Variants in CNTNAP2 observed in about 807,000 individuals in gnomAD.
CNTNAP2 encodes the protein contactin-associated protein-like 2.
In CNTNAP2, 98 loss-of-function variants were observed where a neutral mutation model predicts 155.2. That is an observed-to-expected ratio of 0.63 (90% CI 0.54 to 0.75). The LOEUF (loss-of-function observed/expected upper bound fraction) is 0.75. Ranked by LOEUF, CNTNAP2 falls within the 30% of genes least tolerant of loss-of-function variation. The probability of loss-of-function intolerance (pLI) is 0.00; values close to 1 mark genes in which losing one functional copy is unlikely to be tolerated. For synonymous variants in CNTNAP2, 651 were observed against 631.2 expected (o/e 1.03, Z -0.47); for missense variants, 1,727 against 1,688.1 (o/e 1.02, Z -0.40).
intron 8 of CNTNAP2, among the ~76,000 whole-genome samples, chr7:147,264,933 A>G (rs1048385039): frequency 1.4e-4 from 21 of 152,196 alleles, no homozygotes; most frequent in African/African-American, 5.1e-4. Context: ...CAAATCCTAC[A>G]TGAGGAGGAA....
At position 147,985,450 on chromosome 7, in the gene CNTNAP2, G is replaced by A. The variant is rs1432465377; in HGVS notation, c.2383+7461G>A. On this transcript the variant is annotated intron_variant, in intron 15 of 23. Transcript: ENST00000361727. ...TTGCGAATCTTCAGAGGGCAAAGGG[G>A]AAGATTCCATTGGCTCTTACACTGG... Among the ~76,000 whole-genome samples, 5 of 148,992 alleles carry A rather than the reference G, an allele frequency of 3.4e-5. 1 individual carries two copies. In the South Asian group the frequency reaches 8.5e-4, roughly 25 times the overall value.
At chr7:146,581,452 G>A (rs1283619705) in intron 1 of CNTNAP2, among the ~76,000 whole-genome samples, 1 of 151,986 alleles carries the variant, frequency 6.6e-6, no homozygotes, top group African/African-American at 2.4e-5. Flanking sequence ...ATACAAATTA[G>A]GTTTAGAATT....
intron 10 of CNTNAP2, among the ~76,000 whole-genome samples, chr7:147,405,025 A>G (rs574802173): frequency 6.6e-6 from 1 of 152,344 alleles, no homozygotes; most frequent in African/African-American, 2.4e-5. Flanking sequence ...TCTTTGATGC[A>G]TTGCATGTAT....
intron 1 of CNTNAP2, among the ~76,000 whole-genome samples, chr7:146,457,053 C>T (rs1796564995): frequency 6.6e-6 from 1 of 151,810 alleles, no homozygotes; most frequent in African/African-American, 2.4e-5. Flanking sequence ...ATTCTACTGG[C>T]CTCATTCAGA....
At position 146,356,297 on chromosome 7, in the gene CNTNAP2, C is replaced by T. The variant is rs1196044302; in HGVS notation, c.97+239324C>T. On this transcript the variant is annotated intron_variant, in intron 1 of 23. Transcript: ENST00000361727. ...TAGAATGCAAAGTCTTGAACTCTAA[C>T]CTTTAAGATGCTGGTTTTTTACCTT... Among the ~76,000 whole-genome samples the T allele has an allele frequency of 2.0e-5, 3 of 152,170 alleles. No individual in the cohort carries two copies. In the South Asian group the frequency reaches 6.2e-4, roughly 31 times the overall value.
intron 12 of CNTNAP2, among the ~76,000 whole-genome samples, chr7:147,619,745 C>T (rs57004198): frequency 3.3e-5 from 5 of 152,092 alleles, no homozygotes; most frequent in Admixed American, 2.0e-4. Flanking sequence ...CCTGGGACCT[C>T]GGGTGACTCG....
intron 1 of CNTNAP2, among the ~76,000 whole-genome samples, chr7:146,696,303 C>T (rs1072973): frequency 0.81 from 123,452 of 152,156 alleles, 50,969 homozygotes; most frequent in South Asian, 0.93. Context: ...GTTATCAAAT[C>T]TGTAAGCATG....
chr7:147,960,273 C>T (rs903107815), intron 14 of CNTNAP2, among the ~76,000 whole-genome samples: 9 of 152,064 alleles, frequency 5.9e-5, no homozygotes, highest in South Asian at 2.1e-4. Context: ...GGTGCAAAGC[C>T]GGAGTCAGCA....
chr7:146,273,183 A>G (rs1382340689), intron 1 of CNTNAP2, among the ~76,000 whole-genome samples: 2 of 151,868 alleles, frequency 1.3e-5, no homozygotes, highest in Non-Finnish European at 2.9e-5. Flanking sequence ...TGCTTTGGGA[A>G]ATGTATTTTT....
intron 1 of CNTNAP2, among the ~76,000 whole-genome samples, chr7:146,452,470 A>G (rs141491414): frequency 3.0e-4 from 46 of 152,304 alleles, no homozygotes; most frequent in African/African-American, 1.1e-3. Flanking sequence ...CTGTACATTG[A>G]GGTACGGTAT....
At chr7:147,407,504 A>T (rs1040542640) in intron 10 of CNTNAP2, among the ~76,000 whole-genome samples, 1 of 131,586 alleles carries the variant, frequency 7.6e-6, no homozygotes, top group East Asian at 2.2e-4. Context: ...AAAAAAAAAA[A>T]GAAATACCAT....
intron 4 of CNTNAP2, among the ~76,000 whole-genome samples, chr7:147,060,068 A>G (rs371860065): frequency 1.3e-5 from 2 of 152,324 alleles, no homozygotes; most frequent in East Asian, 3.9e-4. Context: ...TATGAAAATG[A>G]AGGACAAAAT....
At chr7:147,741,326 A>T (rs1274445481) in intron 13 of CNTNAP2, among the ~76,000 whole-genome samples, 1 of 152,212 alleles carries the variant, frequency 6.6e-6, no homozygotes, top group Non-Finnish European at 1.5e-5. Context: ...CACCAGGAAT[A>T]TAAAGTCAAA....
At chr7:147,379,001 TAGTG>T (rs1226849151) in intron 9 of CNTNAP2, among the ~76,000 whole-genome samples, 2 of 152,144 alleles carry the variant, frequency 1.3e-5, no homozygotes, top group Admixed American at 6.6e-5. Context: ...ATTCTCACAA[TAGTG>T]AGTGAGTTCT....
At chr7:147,640,056 C>G (rs936668610) in intron 13 of CNTNAP2, among the ~76,000 whole-genome samples, 2 of 152,088 alleles carry the variant, frequency 1.3e-5, no homozygotes, top group African/African-American at 4.8e-5. Context: ...TAATTTCCAA[C>G]CTTACCACTT....
In CNTNAP2 at chr7:147,288,916, C is replaced by T. The variant is rs1335635531; in HGVS notation, c.1349-11225C>T. 3.3e-5 allele frequency among the ~76,000 whole-genome samples: 5 copies of T among 152,254 alleles called. No homozygotes were observed. In the East Asian group the frequency reaches 7.7e-4, roughly 24 times the overall value. The stretch of plus-strand genomic sequence containing the variant: ...ACCTCCAAAGTGCCTTCCCTTTATA[C>T]ATACATGTACTTTGTCTTTATACAT... On this transcript the variant is annotated intron_variant, in intron 8 of 23. Transcript: ENST00000361727.
intron 3 of CNTNAP2, among the ~76,000 whole-genome samples, chr7:147,003,338 C>A (rs1042056456): frequency 1.3e-5 from 2 of 151,552 alleles, no homozygotes; most frequent in Non-Finnish European, 2.9e-5. Context: ...CAAACCAACC[C>A]CCCCCAAAAA....
intron 13 of CNTNAP2, among the ~76,000 whole-genome samples, chr7:147,831,010 A>T (rs1261381026): frequency 6.6e-6 from 1 of 152,204 alleles, no homozygotes; most frequent in Non-Finnish European, 1.5e-5. Flanking sequence ...CATAGGTATC[A>T]CAGAAATCTT....
At chr7:147,673,150 T>C (rs993038825) in intron 13 of CNTNAP2, 5 of 152,196 alleles carry the variant, frequency 3.3e-5, no homozygotes, top group Non-Finnish European at 7.3e-5. Context: ...ATGAAGCATT[T>C]GACCTGTCTT....
Sources: allele counts gnomAD v4.1 joint callset (sites outside exome capture counted in the v4.1 genomes callset), GRCh38; gene constraint gnomAD v4.1.1; transcripts MANE v1.5; gene names NCBI Gene and HGNC (gene_info 2026-07-23, HGNC 2026-07-21).